The following ZMIZ1 variants were observed in gnomAD, a reference collection of about 807,000 sequenced individuals.
ZMIZ1 encodes the protein zinc finger MIZ domain-containing protein 1.
ZMIZ1 carries 17 observed loss-of-function variants against 113.9 expected under a neutral mutation model. The observed-to-expected ratio is 0.15, with a 90% confidence interval of 0.10 to 0.22. The LOEUF is 0.22. Ranked by LOEUF, ZMIZ1 falls within the 10% of genes least tolerant of loss-of-function variation. ZMIZ1 has a pLI of 1.00. For missense variants in ZMIZ1, 1,059 were observed against 1,477.8 expected (o/e 0.72, Z 4.65); for synonymous variants, 607 against 603.1 (o/e 1.01, Z -0.09).
chr10:79,302,365 G>A (rs1211621382), intron 18 of ZMIZ1, among the ~76,000 whole-genome samples, 153 bp downstream of exon 18: 1 of 152,204 alleles, frequency 6.6e-6, no homozygotes, highest in Admixed American at 6.5e-5. Flanking sequence ...CTGTCCTGAG[G>A]CTCATGCCCT....
At chr10:79,079,052 G>A (rs145212128) in intron 1 of ZMIZ1, among the ~76,000 whole-genome samples, 5 of 152,360 alleles carry the variant, frequency 3.3e-5, no homozygotes, top group Non-Finnish European at 7.4e-5. Context: ...CTTCCCCTCA[G>A]CCTGCTTTCT....
chr10:79,290,820 C>T, intron 9 of ZMIZ1, 139 bp from the exon 10 acceptor site: 1 of 966,498 alleles, frequency 1.0e-6, no homozygotes, highest in Non-Finnish European at 1.6e-6. Flanking sequence ...AATAGTTCAT[C>T]CACCCTCCAT....
chr10:79,242,804 C>G (rs1336038490), intron 7 of ZMIZ1, among the ~76,000 whole-genome samples: 2 of 152,150 alleles, frequency 1.3e-5, no homozygotes, highest in Non-Finnish European at 2.9e-5. Flanking sequence ...CGTCGCCGCC[C>G]CCGCCCGGAG....
intron 7 of ZMIZ1, among the ~76,000 whole-genome samples, chr10:79,223,655 A>G (rs1168225589): frequency 6.6e-6 from 1 of 152,228 alleles, no homozygotes; most frequent in Non-Finnish European, 1.5e-5. Context: ...ATGCCCATTA[A>G]TAGAGGAGGA....
At chr10:79,201,152 A>G (rs1386263455) in intron 4 of ZMIZ1, among the ~76,000 whole-genome samples, 1 of 152,196 alleles carries the variant, frequency 6.6e-6, no homozygotes, top group Non-Finnish European at 1.5e-5. Flanking sequence ...CACTAAAAAT[A>G]CAAAAATTAG....
chr10:79,172,009 G>A (rs1398879401), intron 4 of ZMIZ1, among the ~76,000 whole-genome samples: 1 of 152,174 alleles, frequency 6.6e-6, no homozygotes, highest in Non-Finnish European at 1.5e-5. Context: ...CTGACCAAAT[G>A]AAGGGTACAT....
chr10:79,117,397 T>C, intron 1 of ZMIZ1, among the ~76,000 whole-genome samples: 1 of 152,224 alleles, frequency 6.6e-6, no homozygotes. Flanking sequence ...TTCTCTGTCG[T>C]GCCTGGCTTT....
At position 79,277,175 on chromosome 10, in the gene ZMIZ1, C is replaced by G. The variant is rs763441472; in HGVS notation, c.281-6C>G. 1.3e-6 allele frequency: 2 copies of G among 1,531,072 alleles called. No individual in the cohort carries two copies. Among genetic ancestry groups the G allele is most frequent in the Non-Finnish European group, 8.8e-7 (1 of 1,138,848 alleles). The allele number at this position is 1,531,072 out of a possible 1,614,324, so 94.8% of individuals were successfully genotyped here. On this transcript the variant is annotated splice_region_variant and splice_polypyrimidine_tract_variant and intron_variant, in intron 7 of 24. Coordinates refer to ENST00000334512, the MANE Select transcript of ZMIZ1 (RefSeq NM_020338.4). ...GCACCCACTGACTGTCCTGTCCTTC[C>G]TGCAGCCTTGTTGTCCTCCTGGTGC... is the stretch of plus-strand genomic sequence containing the variant.
rs1179781561 is a variant in ZMIZ1, at chr10:79,314,417, G to A, written c.*1668G>A. 2.7e-6 allele frequency: 1 copy of A among 367,766 alleles called. No individual in the cohort carries two copies. Among genetic ancestry groups the A allele is most frequent in the African/African-American group, 2.1e-5 (1 of 47,232 alleles). 22.8% of individuals were successfully genotyped at this position (367,766 alleles called of 1,614,324 possible). A position where few individuals can be genotyped will look rare whatever the true frequency, so the allele number is the denominator to read the frequency against. Reference sequence around the variant, plus strand: ...AGGTGGCCCCAGCTGTTGACTTCCAGTCACTGTCCCAGACGGCACAAGGTT... The same window carrying A: ...AGGTGGCCCCAGCTGTTGACTTCCAATCACTGTCCCAGACGGCACAAGGTT... On this transcript the variant is annotated 3_prime_UTR_variant, in exon 25 of 25. Coordinates refer to ENST00000334512, the MANE Select transcript of ZMIZ1 (RefSeq NM_020338.4).
rs1854519331 is a variant in ZMIZ1 at position 79,304,051 on chromosome 10, G to C, written c.2162G>C (p.Gly721Ala). ...TTCAGCAGCGTGGCTGCCTCCTCGG[G>C]CAACACGACCCTCAACGGGGAGGAT... ...RNFSSVAASSGNTTLNGEDGV... is the reference protein window; with the variant it reads ...RNFSSVAASSANTTLNGEDGV... Residue 721 changes from glycine (G) to alanine (A), a missense_variant, in exon 19 of 25, where the codon GGC becomes GCC. Physicochemically the swap from Gly to Ala is moderately conservative, Grantham distance 60. This residue lies in a region of ZMIZ1 where 217 missense variants were observed against 426.9 expected (regional missense o/e 0.51). Coordinates refer to ENST00000334512, the MANE Select transcript of ZMIZ1 (RefSeq NM_020338.4). 1 of 1,614,060 alleles carries C rather than the reference G, an allele frequency of 6.2e-7. No homozygotes were observed. The highest frequency in any genetic ancestry group is 1.7e-5 in the Admixed American group (1 of 60,014).
At chr10:79,126,525 G>C (rs1377722028) in intron 2 of ZMIZ1, among the ~76,000 whole-genome samples, 1 of 152,224 alleles carries the variant, frequency 6.6e-6, no homozygotes, top group Non-Finnish European at 1.5e-5. Context: ...CACGCAAAGG[G>C]AACAGCTGGG....
intron 6 of ZMIZ1, among the ~76,000 whole-genome samples, chr10:79,212,477 AT>A (rs142283111): frequency 0.011 from 1,605 of 152,230 alleles, 29 homozygotes; most frequent in African/African-American, 0.037. Context: ...AGATTAAAAA[AT>A]TTTTTGCACA....
At chr10:79,256,286 C>T (rs1850896888) in intron 7 of ZMIZ1, among the ~76,000 whole-genome samples, 1 of 152,198 alleles carries the variant, frequency 6.6e-6, no homozygotes, top group Non-Finnish European at 1.5e-5. Context: ...CCCCTTTCTC[C>T]ATTCCCATCT....
intron 2 of ZMIZ1, among the ~76,000 whole-genome samples, chr10:79,133,398 G>A (rs770964865): frequency 6.6e-6 from 1 of 152,168 alleles, no homozygotes; most frequent in Non-Finnish European, 1.5e-5. Flanking sequence ...CCGGAGTTCC[G>A]GGAGGAAAGG....
chr10:79,153,779 G>A (rs1206421697), intron 3 of ZMIZ1, among the ~76,000 whole-genome samples: 1 of 152,260 alleles, frequency 6.6e-6, no homozygotes, highest in African/African-American at 2.4e-5. Flanking sequence ...CCAGGCCTGG[G>A]TGAGGTTAGA....
chr10:79,087,013 G>A (rs1842836685), intron 1 of ZMIZ1, among the ~76,000 whole-genome samples: 1 of 152,200 alleles, frequency 6.6e-6, no homozygotes, highest in Non-Finnish European at 1.5e-5. Context: ...TGCTTTGGTT[G>A]TTCTTTGTTT....
chr10:79,075,833 T>A (rs978003596), intron 1 of ZMIZ1, among the ~76,000 whole-genome samples: 1 of 152,222 alleles, frequency 6.6e-6, no homozygotes, highest in South Asian at 2.1e-4. Flanking sequence ...ACACTGTACT[T>A]TCCCCAGCTC....
intron 8 of ZMIZ1, among the ~76,000 whole-genome samples, chr10:79,281,714 G>C (rs781012680): frequency 6.6e-6 from 1 of 152,252 alleles, no homozygotes; most frequent in Non-Finnish European, 1.5e-5. Flanking sequence ...CGTGGAGCGA[G>C]GCTTCCTCGT....
At chr10:79,076,092 A>G (rs763639364) in intron 1 of ZMIZ1, among the ~76,000 whole-genome samples, 5 of 152,218 alleles carry the variant, frequency 3.3e-5, no homozygotes, top group Admixed American at 2.0e-4. Flanking sequence ...AGCTTGTAGC[A>G]TAAAATTAGT....
Sources: gnomAD v4.1 joint callset for allele counts (sites outside exome capture counted in the v4.1 genomes callset) on GRCh38, gnomAD v4.1.1 for gene constraint, gnomAD v4.1.1 regional missense constraint, MANE v1.5 for transcripts, NCBI Gene and HGNC (gene_info 2026-07-23, HGNC 2026-07-21) for gene names.